ELP2: variants seen among roughly 807,000 people sequenced by gnomAD.
ELP2 encodes the protein elongator acetyltransferase complex subunit 2.
Under a neutral mutation model 119.2 loss-of-function variants are expected in ELP2, and 90 were observed. The ratio of observed to expected loss-of-function variants is 0.75; its 90% CI spans 0.64 to 0.90. The LOEUF is 0.90. Ranked by LOEUF, ELP2 falls within the 40% of genes least tolerant of loss-of-function variation. ELP2 has a pLI of 0.00. For synonymous variants in ELP2, 339 were observed against 331.0 expected (o/e 1.02, Z -0.26); for missense variants, 921 against 967.8 (o/e 0.95, Z 0.64).
At chr18:36,154,175 C>G (rs138259633) in intron 11 of ELP2, among the ~76,000 whole-genome samples, 61 of 148,770 alleles carry the variant, frequency 4.1e-4, no homozygotes, top group Admixed American at 6.8e-4. Context: ...TAATTTTCCT[C>G]TAAAGGTTAA....
intron 11 of ELP2, among the ~76,000 whole-genome samples, chr18:36,154,572 C>T (rs1266110636): frequency 6.6e-6 from 1 of 152,088 alleles, no homozygotes; most frequent in African/African-American, 2.4e-5. Flanking sequence ...ATAATTGAGA[C>T]ACAGAAAGGT....
chr18:36,161,180 T>C (rs1184014081), intron 17 of ELP2, among the ~76,000 whole-genome samples, 176 bp downstream of exon 17: 2 of 152,196 alleles, frequency 1.3e-5, no homozygotes, highest in African/African-American at 4.8e-5. Flanking sequence ...GCTTATGGTT[T>C]CATTTTAAGT....
At chr18:36,161,097 G>A (rs369386642) in intron 17 of ELP2, 93 bp downstream of exon 17, 23 of 870,994 alleles carry the variant, frequency 2.6e-5, no homozygotes, top group South Asian at 6.6e-5. Flanking sequence ...AGAACTCTAC[G>A]TGAAAGGCCA....
intron 11 of ELP2, among the ~76,000 whole-genome samples, chr18:36,147,483 C>T (rs561643046): frequency 5.4e-4 from 81 of 150,664 alleles, no homozygotes; most frequent in South Asian, 2.5e-3. Flanking sequence ...GGTGTGATCT[C>T]GGCTCACTGC....
At chr18:36,142,012 A>G (rs573637695) in intron 6 of ELP2, among the ~76,000 whole-genome samples, 2 of 152,134 alleles carry the variant, frequency 1.3e-5, no homozygotes, top group Admixed American at 6.5e-5. Context: ...TCTATATTAT[A>G]TGTATAGTAT....
intron 11 of ELP2, among the ~76,000 whole-genome samples, chr18:36,151,317 A>G (rs1785908): frequency 0.62 from 93,240 of 151,480 alleles, 32,869 homozygotes; most frequent in Non-Finnish European, 0.79. Flanking sequence ...TCCTGGGCTC[A>G]AGCAGTCTAC....
At chr18:36,141,451 G>C (rs1329648968) in intron 6 of ELP2, 5 of 496,900 alleles carry the variant, frequency 1.0e-5, no homozygotes, top group Admixed American at 9.8e-5. Context: ...AGAGATGGAA[G>C]ATGCTGTGGT....
chr18:36,145,851 C>T (rs955384914), intron 9 of ELP2, 97 bp from the exon 10 acceptor site: 12 of 991,098 alleles, frequency 1.2e-5, no homozygotes, highest in Non-Finnish European at 2.0e-5. Flanking sequence ...GTGCAGTGAA[C>T]ATCCTTGCAG....
chr18:36,139,481 C>G (rs2089947501), intron 5 of ELP2: 15 of 1,535,744 alleles, frequency 9.8e-6, no homozygotes, highest in Non-Finnish European at 1.0e-5. Flanking sequence ...CTCTCTCGCC[C>G]TCTGTAGCAG....
intron 5 of ELP2, chr18:36,139,393 G>A (rs1466391621): frequency 1.3e-6 from 2 of 1,532,480 alleles, no homozygotes; most frequent in Non-Finnish European, 1.7e-6. Flanking sequence ...GCCAGTGTGA[G>A]TGAGTCAGCC....
At chr18:36,146,532 T>G in intron 11 of ELP2, 151 bp downstream of exon 11, 1 of 809,948 alleles carries the variant, frequency 1.2e-6, no homozygotes, top group Non-Finnish European at 2.0e-6. Context: ...TGTTAAGGTA[T>G]TGAAATTTGC....
intron 21 of ELP2, among the ~76,000 whole-genome samples, chr18:36,173,339 A>G (rs1471724542): frequency 2.0e-5 from 3 of 152,226 alleles, no homozygotes; most frequent in African/African-American, 7.2e-5. Flanking sequence ...ACAAATTATA[A>G]TGCCTTTTAT....
intron 11 of ELP2, among the ~76,000 whole-genome samples, chr18:36,149,865 CT>C (rs1241167810): frequency 2.0e-5 from 3 of 152,124 alleles, no homozygotes; most frequent in Non-Finnish European, 4.4e-5. Context: ...TCGTCCATTT[CT>C]ACTTCTCTGT....
intron 12 of ELP2, among the ~76,000 whole-genome samples, chr18:36,155,302 A>G (rs940338183): frequency 9.8e-5 from 12 of 122,250 alleles, no homozygotes; most frequent in African/African-American, 3.2e-4. Flanking sequence ...GGTTATAGGC[A>G]TGAGCCACTG....
chr18:36,139,487 A>G, intron 5 of ELP2: 2 of 1,535,726 alleles, frequency 1.3e-6, no homozygotes, highest in Admixed American at 3.9e-5. Context: ...CGCCCTCTGT[A>G]GCAGGAGCTG....
At chr18:36,131,099 A>C (rs1416289370) in intron 1 of ELP2, among the ~76,000 whole-genome samples, 3 of 152,300 alleles carry the variant, frequency 2.0e-5, no homozygotes, top group African/African-American at 7.2e-5. Context: ...GCTTGAGCTC[A>C]GAAGTTTGAG....
In ELP2 at chr18:36,156,599, T is replaced by C. The variant is rs1271527799; in HGVS notation, c.1409T>C (p.Phe470Ser). ...VLRVFSAPRN[F>S]VENFCAITGQ... ...CGGGTTTTTTCTGCACCTCGGAATT[T>C]TGTGGAAAATTTTTGTGCCATTACA... Residue 470 changes from phenylalanine to serine, a missense_variant, in exon 13 of 22, where the codon TTT (phenylalanine) becomes TCT (serine). Physicochemically the swap from Phe to Ser is radical, Grantham distance 155 (BLOSUM62 -2). Coordinates refer to ENST00000358232, the MANE Select transcript of ELP2 (RefSeq NM_018255.4). The C allele has an allele frequency of 1.2e-6, 2 of 1,614,120 alleles. No individual in the cohort carries two copies. The highest frequency in any genetic ancestry group is 1.7e-5 in the Admixed American group (1 of 60,020).
Position 36,168,581 on chromosome 18 carries a change from AACTC to A in ELP2, c.2076+1367_2076+1370del, listed in dbSNP as rs984887738. Among the ~76,000 whole-genome samples, 20 of 152,286 alleles carry A rather than the reference AACTC, an allele frequency of 1.3e-4. No individual in the cohort carries two copies. The East Asian group carries it at 2.5e-3, about 19-fold the overall frequency. ...TTATAAAACCATCAGATCTCGTGAGAACTCACTCACTATCATGAGAAGAGCATGG... is the reference window on the plus strand; with the variant it reads ...TTATAAAACCATCAGATCTCGTGAGAACTCACTATCATGAGAAGAGCATGG... On this transcript the variant is annotated intron_variant, in intron 19 of 21. Transcript: ENST00000358232.
intron 18 of ELP2, among the ~76,000 whole-genome samples, chr18:36,165,754 C>T (rs145132282): frequency 0.031 from 4,696 of 151,972 alleles, 98 homozygotes; most frequent in Non-Finnish European, 0.044. Context: ...TGGTGGTGCA[C>T]GCCTGTAATC....
Sources: allele counts gnomAD v4.1 joint callset (sites outside exome capture counted in the v4.1 genomes callset), GRCh38; gene constraint gnomAD v4.1.1; transcripts MANE v1.5; gene names NCBI Gene and HGNC (gene_info 2026-07-23, HGNC 2026-07-21).